The following PDE11A variants were observed in gnomAD, a reference collection of about 807,000 sequenced individuals.
PDE11A encodes phosphodiesterase 11A, also known as dual 3',5'-cyclic-AMP and -GMP phosphodiesterase 11A.
A neutral mutation model predicts 100.5 loss-of-function variants in PDE11A; 100 were observed. The ratio of observed to expected loss-of-function variants is 1.00; its 90% CI spans 0.85 to 1.18. The LOEUF (loss-of-function observed/expected upper bound fraction) is 1.18, where lower values mean the gene tolerates loss of function less well. PDE11A is among the 50% of genes most tolerant of loss of function. The pLI is 0.00. For synonymous variants in PDE11A, 381 were observed against 420.8 expected (o/e 0.91, Z 1.16); for missense variants, 1,141 against 1,152.6 (o/e 0.99, Z 0.15).
intron 19 of PDE11A, among the ~76,000 whole-genome samples, chr2:177,633,871 T>C (rs1269983314): frequency 1.3e-5 from 2 of 152,148 alleles, no homozygotes; most frequent in Non-Finnish European, 2.9e-5. Flanking sequence ...CAGAACTTAT[T>C]TTTTTTAATC....
At chr2:178,011,610 A>G (rs2086274891) in intron 2 of PDE11A, among the ~76,000 whole-genome samples, 1 of 152,166 alleles carries the variant, frequency 6.6e-6, no homozygotes, top group African/African-American at 2.4e-5. Flanking sequence ...ATAGACTTAA[A>G]TTAGACAAAG....
Position 177,626,192 on chromosome 2 carries a change from T to C in PDE11A, c.*3215A>G, listed in dbSNP as rs2079830659. Reference sequence around the variant, plus strand: ...CTTGTAGGGTTTATGCTATAAATTATGTTCCCCTTAGCAATATGTAGCATC... The same window carrying C: ...CTTGTAGGGTTTATGCTATAAATTACGTTCCCCTTAGCAATATGTAGCATC... On this transcript the variant is annotated 3_prime_UTR_variant, in exon 20 of 20. Transcript: ENST00000286063. 2 of 152,660 alleles carry C rather than the reference T, an allele frequency of 1.3e-5. No individual in the cohort carries two copies. The highest frequency in any genetic ancestry group is 4.1e-4 in the South Asian group (2 of 4,836). The allele number at this position is 152,660 out of a possible 1,614,324, so 9.5% of individuals were successfully genotyped here.
chr2:177,822,206 C>G (rs1379076263), intron 6 of PDE11A, among the ~76,000 whole-genome samples: 1 of 151,868 alleles, frequency 6.6e-6, no homozygotes, highest in Non-Finnish European at 1.5e-5. Flanking sequence ...TTCCTAGAAT[C>G]CTTACTGTTT....
intron 2 of PDE11A, among the ~76,000 whole-genome samples, chr2:177,938,710 G>A (rs1186169773): frequency 6.6e-6 from 1 of 151,822 alleles, no homozygotes; most frequent in Non-Finnish European, 1.5e-5. Flanking sequence ...AGAAAGAAGA[G>A]GAATAAAGGG....
At chr2:177,661,159 G>A (rs1439652002) in intron 19 of PDE11A, among the ~76,000 whole-genome samples, 1 of 152,198 alleles carries the variant, frequency 6.6e-6, no homozygotes, top group Non-Finnish European at 1.5e-5. Flanking sequence ...GAGGGGACAT[G>A]CTTTGTCTCA....
chr2:177,774,592 A>G (rs1443525969), intron 9 of PDE11A, among the ~76,000 whole-genome samples: 1 of 152,176 alleles, frequency 6.6e-6, no homozygotes, highest in African/African-American at 2.4e-5. Context: ...TAAATGTGGA[A>G]GCTTCTAGGC....
intron 3 of PDE11A, among the ~76,000 whole-genome samples, chr2:177,904,627 T>C (rs947976783): frequency 6.7e-5 from 10 of 150,046 alleles, no homozygotes; most frequent in African/African-American, 2.5e-4. Flanking sequence ...CGATCTCCAC[T>C]CACTGTGACC....
rs16865850 is a variant in PDE11A, at chr2:177,853,049, A to G, written c.1368-12666T>C. Reference sequence around the variant, plus strand: ...GTGACTATCAGATGGGTGTCAGATGACATTGCTGTAAGTGATTGGTATCTA... The same window carrying G: ...GTGACTATCAGATGGGTGTCAGATGGCATTGCTGTAAGTGATTGGTATCTA... On this transcript the variant is annotated intron_variant, in intron 5 of 19. Coordinates refer to ENST00000286063, the MANE Select transcript of PDE11A (RefSeq NM_016953.4). Among the ~76,000 whole-genome samples the G allele has an allele frequency of 7.3e-3, 1,105 of 152,322 alleles. 13 individuals carry two copies. Among genetic ancestry groups the G allele is most frequent in the African/African-American group, 0.025 (1,029 of 41,572 alleles).
At chr2:177,721,476 G>A (rs1321834459) in intron 12 of PDE11A, among the ~76,000 whole-genome samples, 1 of 152,110 alleles carries the variant, frequency 6.6e-6, no homozygotes, top group Non-Finnish European at 1.5e-5. Flanking sequence ...TAAGACTTGA[G>A]AAAGTGGAGG....
intron 2 of PDE11A, among the ~76,000 whole-genome samples, chr2:178,007,857 A>G (rs960360130): frequency 6.6e-6 from 1 of 152,076 alleles, no homozygotes; most frequent in Non-Finnish European, 1.5e-5. Context: ...GACATGTGCC[A>G]CCACAACTGG....
At chr2:177,972,097 A>G (rs1157056997) in intron 2 of PDE11A, among the ~76,000 whole-genome samples, 1 of 152,270 alleles carries the variant, frequency 6.6e-6, no homozygotes. Context: ...TTTGTATAAT[A>G]GGTGAGCAGA....
chr2:178,006,830 G>GA (rs1041365567), intron 2 of PDE11A, among the ~76,000 whole-genome samples: 7 of 150,898 alleles, frequency 4.6e-5, no homozygotes, highest in African/African-American at 1.5e-4. Flanking sequence ...ACAAGGGGGG[G>GA]GGGGGAAGCC....
intron 14 of PDE11A, among the ~76,000 whole-genome samples, chr2:177,700,180 G>A (rs1335559001): frequency 6.6e-6 from 1 of 152,104 alleles, no homozygotes; most frequent in Non-Finnish European, 1.5e-5. Flanking sequence ...TTCGCAGTCT[G>A]CATTCAGGTT....
At chr2:177,849,459 C>T (rs1047439747) in intron 5 of PDE11A, among the ~76,000 whole-genome samples, 7 of 152,082 alleles carry the variant, frequency 4.6e-5, no homozygotes, top group Admixed American at 2.6e-4. Context: ...CCCAAAATCT[C>T]CTTAAGCTGA....
Position 178,071,927 on chromosome 2 carries a change from T to G in PDE11A, c.511A>C (p.Ile171Leu). 1 of 1,613,954 alleles carries G rather than the reference T, an allele frequency of 6.2e-7. No individual in the cohort carries two copies. Among genetic ancestry groups the G allele is most frequent in the East Asian group, 2.2e-5 (1 of 44,882 alleles). The change falls in exon 1 of 20, where the codon ATT becomes CTT. Residue 171 changes from isoleucine to leucine, a missense_variant. Coordinates refer to ENST00000286063, the MANE Select transcript of PDE11A (RefSeq NM_016953.4). ...CTCGATTCCAGCAGCGCACTGAGAATATGGGCTGTGGTGGGGGGCAGGGAG... is the reference window on the plus strand; with the variant it reads ...CTCGATTCCAGCAGCGCACTGAGAAGATGGGCTGTGGTGGGGGGCAGGGAG... The part of the protein sequence containing the change: ...ASSLPPTTAH[I>L]LSALLESRVN...
intron 2 of PDE11A, among the ~76,000 whole-genome samples, chr2:177,948,938 G>T (rs980638000): frequency 6.6e-6 from 1 of 152,040 alleles, no homozygotes; most frequent in African/African-American, 2.4e-5. Context: ...AATAAAACTT[G>T]ATTATATATA....
chr2:177,990,432 G>A (rs2085988132), intron 2 of PDE11A, among the ~76,000 whole-genome samples: 1 of 151,966 alleles, frequency 6.6e-6, no homozygotes, highest in Non-Finnish European at 1.5e-5. Flanking sequence ...ACAAGTATCT[G>A]GGGGGGATAG....
chr2:177,765,441 C>T (rs1028243613), intron 10 of PDE11A, among the ~76,000 whole-genome samples: 28 of 152,204 alleles, frequency 1.8e-4, no homozygotes, highest in African/African-American at 5.5e-4. Flanking sequence ...CTCCATCTCT[C>T]CTACTTATTT....
At chr2:178,024,132 G>A (rs1222772414) in intron 1 of PDE11A, among the ~76,000 whole-genome samples, 1 of 152,090 alleles carries the variant, frequency 6.6e-6, no homozygotes. Flanking sequence ...TAAATCCAAG[G>A]CCTCATCAGG....
Sources: allele counts gnomAD v4.1 joint callset (sites outside exome capture counted in the v4.1 genomes callset), GRCh38; gene constraint gnomAD v4.1.1; transcripts MANE v1.5; gene names NCBI Gene and HGNC (gene_info 2026-07-23, HGNC 2026-07-21).